CHD9: variants seen among roughly 807,000 people sequenced by gnomAD.
The protein encoded by CHD9 is ATP-dependent chromatin remodeler CHD9.
CHD9 carries 77 observed loss-of-function variants against 316.1 expected under a neutral mutation model. The ratio of observed to expected loss-of-function variants is 0.24; its 90% CI spans 0.20 to 0.29. CHD9 has a LOEUF of 0.29. Among genes scored for constraint, CHD9 ranks in the 10% least tolerant of loss-of-function variants. The pLI is 1.00. For missense variants in CHD9, 2,763 were observed against 3,438.1 expected (o/e 0.80, Z 4.91); for synonymous variants, 1,129 against 1,158.3 (o/e 0.97, Z 0.51).
At chr16:53,273,958 T>A (rs1347724547) in intron 23 of CHD9, among the ~76,000 whole-genome samples, 173 bp downstream of exon 23, 1 of 152,216 alleles carries the variant, frequency 6.6e-6, no homozygotes, top group Non-Finnish European at 1.5e-5. Context: ...TGTGTCATTG[T>A]TCTCACCAAC....
At chr16:53,232,472 T>C (rs1230087911) in intron 10 of CHD9, among the ~76,000 whole-genome samples, 1 of 152,186 alleles carries the variant, frequency 6.6e-6, no homozygotes, top group Non-Finnish European at 1.5e-5. Context: ...ATTAATCCCC[T>C]TAATTAATGT....
chr16:53,137,035 G>A (rs1348629316), intron 1 of CHD9, among the ~76,000 whole-genome samples: 4 of 151,770 alleles, frequency 2.6e-5, no homozygotes, highest in South Asian at 4.2e-4. Context: ...GTGCAGTGGT[G>A]CAATCTCGGC....
intron 1 of CHD9, among the ~76,000 whole-genome samples, chr16:53,144,382 G>A (rs1482367685): frequency 6.6e-6 from 1 of 152,098 alleles, no homozygotes; most frequent in African/African-American, 2.4e-5. Flanking sequence ...CCAGAGATTA[G>A]AATTTTGGTC....
At chr16:53,266,023 C>T (rs1334002702) in intron 20 of CHD9, among the ~76,000 whole-genome samples, 1 of 148,260 alleles carries the variant, frequency 6.7e-6, no homozygotes, top group Non-Finnish European at 1.5e-5. Context: ...GGAAAAGGGA[C>T]AACTCTTTCT....
intron 11 of CHD9, among the ~76,000 whole-genome samples, chr16:53,235,818 A>G (rs895480686): frequency 6.6e-6 from 1 of 152,186 alleles, no homozygotes; most frequent in Non-Finnish European, 1.5e-5. Context: ...GCCTTATAGA[A>G]TATCTTACAT....
intron 1 of CHD9, among the ~76,000 whole-genome samples, chr16:53,107,949 C>T (rs962108012): frequency 5.3e-5 from 8 of 151,860 alleles, no homozygotes; most frequent in African/African-American, 1.9e-4. Flanking sequence ...GCAGGGGATA[C>T]AATAGGGAGG....
At chr16:53,171,259 A>C (rs1197735485) in intron 2 of CHD9, among the ~76,000 whole-genome samples, 1 of 151,922 alleles carries the variant, frequency 6.6e-6, no homozygotes, top group Non-Finnish European at 1.5e-5. Context: ...CCACTAAAAA[A>C]TACAAAAAAA....
intron 2 of CHD9, among the ~76,000 whole-genome samples, chr16:53,161,113 C>G (rs1338396501): frequency 6.6e-6 from 1 of 152,012 alleles, no homozygotes; most frequent in East Asian, 1.9e-4. Context: ...AAGAAAAAAA[C>G]ACTCTGTTCT....
chr16:53,322,608 ATATCT>A (rs1158423241), intron 38 of CHD9, among the ~76,000 whole-genome samples: 4 of 151,782 alleles, frequency 2.6e-5, no homozygotes, highest in Non-Finnish European at 4.4e-5. Context: ...AAAAAAAAAC[ATATCT>A]TAGAAGAACA....
chr16:53,136,751 T>C (rs999456117), intron 1 of CHD9, among the ~76,000 whole-genome samples: 51 of 152,146 alleles, frequency 3.4e-4, no homozygotes, highest in Non-Finnish European at 8.8e-5. Flanking sequence ...TCTGCTTTGG[T>C]GAGTGTTTAT....
At chr16:53,310,418 C>G (rs1284935382) in intron 34 of CHD9, among the ~76,000 whole-genome samples, 2 of 152,044 alleles carry the variant, frequency 1.3e-5, no homozygotes, top group Non-Finnish European at 2.9e-5. Context: ...TACCACTACT[C>G]TTACTGTTTA....
At chr16:53,097,691 C>T (rs942461323) in intron 1 of CHD9, among the ~76,000 whole-genome samples, 1 of 152,118 alleles carries the variant, frequency 6.6e-6, no homozygotes, top group African/African-American at 2.4e-5. Context: ...AGAGAGGTAA[C>T]TCAACAAATA....
At chr16:53,113,196 T>C (rs2038002054) in intron 1 of CHD9, among the ~76,000 whole-genome samples, 1 of 151,822 alleles carries the variant, frequency 6.6e-6, no homozygotes. Context: ...AATAAATAAA[T>C]AAAGAACGTC....
intron 1 of CHD9, among the ~76,000 whole-genome samples, chr16:53,105,218 G>A (rs2037238302): frequency 6.6e-6 from 1 of 152,178 alleles, no homozygotes. Flanking sequence ...GATATATAGT[G>A]AGGTGTCTCC....
chr16:53,179,845 C>T (rs1320648971), intron 2 of CHD9, among the ~76,000 whole-genome samples: 1 of 150,248 alleles, frequency 6.7e-6, no homozygotes, highest in Admixed American at 6.6e-5. Flanking sequence ...TGCAGTGAGC[C>T]GAGATGACAC....
intron 1 of CHD9, among the ~76,000 whole-genome samples, chr16:53,096,504 A>T (rs1194806832): frequency 2.6e-5 from 4 of 151,978 alleles, no homozygotes; most frequent in African/African-American, 9.7e-5. Context: ...TCTATAAGTT[A>T]AGTTCTATAC....
Position 53,100,453 on chromosome 16 carries a change from C to CTTTTTTT in CHD9, c.-165+45387_-165+45393dup, listed in dbSNP as rs61450186. 1.0e-3 allele frequency among the ~76,000 whole-genome samples: 130 copies of CTTTTTTT among 129,632 alleles called. 4 individuals are homozygous for CTTTTTTT. The highest frequency in any genetic ancestry group is 1.4e-3 in the Non-Finnish European group (86 of 60,500). The allele number at this position is 129,632 out of a possible 152,430, so 85.0% of individuals were successfully genotyped here. ...GCACTCTGAATTTAGACTCATTCGT[C>CTTTTTTT]TTTTTTTTTTTTTTTTTCCAAAAGA... On this transcript the variant is annotated intron_variant, in intron 1 of 38. Transcript: ENST00000447540.
chr16:53,268,211 G>C, intron 22 of CHD9, 85 bp downstream of exon 22: 1 of 957,060 alleles, frequency 1.0e-6, no homozygotes, highest in Non-Finnish European at 1.5e-6. Context: ...AAATATAAAA[G>C]CATTACAAAT....
At chr16:53,271,240 C>T (rs1200352005) in intron 22 of CHD9, among the ~76,000 whole-genome samples, 2 of 151,978 alleles carry the variant, frequency 1.3e-5, no homozygotes, top group African/African-American at 4.8e-5. Context: ...GATTATCAGG[C>T]ATCTCAGGAA....
Sources: allele counts gnomAD v4.1 joint callset (sites outside exome capture counted in the v4.1 genomes callset), GRCh38; gene constraint gnomAD v4.1.1; transcripts MANE v1.5; gene names NCBI Gene and HGNC (gene_info 2026-07-23, HGNC 2026-07-21).